The following TSHZ3 variants were observed in gnomAD, a reference collection of about 807,000 sequenced individuals.
The protein encoded by TSHZ3 is teashirt zinc finger homeobox 3, also known as teashirt homolog 3.
In TSHZ3, 10 loss-of-function variants were observed where a neutral mutation model predicts 64.5. The observed-to-expected ratio is 0.16, with a 90% CI of 0.10 to 0.26. TSHZ3 has a LOEUF of 0.26. Ranked by LOEUF, TSHZ3 falls within the 10% of genes least tolerant of loss-of-function variation. The pLI is 1.00. For synonymous variants in TSHZ3, 608 were observed against 593.1 expected (o/e 1.03, Z -0.36); for missense variants, 1,242 against 1,421.7 (o/e 0.87, Z 2.03).
intron 5 of TSHZ3, among the ~76,000 whole-genome samples, chr19:31,157,057 C>T (rs1169672342): frequency 6.6e-6 from 1 of 152,038 alleles, no homozygotes; most frequent in Non-Finnish European, 1.5e-5. Context: ...AGCAATGAGG[C>T]CCTAGGTACA....
At position 31,234,783 on chromosome 19, in the gene TSHZ3, T is replaced by A. The variant is rs540670703; in HGVS notation, n.551-6643A>T. Among the ~76,000 whole-genome samples the A allele has an allele frequency of 3.3e-5, 5 of 152,374 alleles. No individual in the cohort carries two copies. The South Asian group carries it at 8.3e-4, about 25-fold the overall frequency. The stretch of plus-strand genomic sequence containing the variant: ...GCTAATATTTTGTTGAGGATTTTGC[T>A]TTGTGTGTTCATAAGAGATATTGAC... On this transcript the variant is annotated intron_variant and non_coding_transcript_variant, in intron 3 of 6. Transcript: ENST00000651361.
chr19:31,198,594 G>A (rs996356245), intron 5 of TSHZ3, among the ~76,000 whole-genome samples: 1 of 152,132 alleles, frequency 6.6e-6, no homozygotes, highest in East Asian at 1.9e-4. Context: ...GCAGGATAAA[G>A]GTTAATACAC....
rs1039981374 is a variant in TSHZ3 at position 31,292,469 on chromosome 19, C to T, written c.41-12717G>A. Among the ~76,000 whole-genome samples the T allele has an allele frequency of 8.6e-5, 13 of 151,190 alleles. No individual in the cohort carries two copies. The East Asian group carries it at 9.6e-4, about 11-fold the overall frequency. ...AAATGGGCCTCTTCAGGTGGCTAAA[C>T]ATGTACAACTCAAACTGTCACTGGG... On this transcript the variant is annotated intron_variant, in intron 1 of 1. Coordinates refer to ENST00000240587, the MANE Select transcript of TSHZ3 (RefSeq NM_020856.4).
chr19:31,250,362 C>A (rs375181001), intron 1 of TSHZ3, among the ~76,000 whole-genome samples: 2 of 152,176 alleles, frequency 1.3e-5, no homozygotes, highest in Non-Finnish European at 2.9e-5. Context: ...CATCTCTAAT[C>A]CTCACCCGCT....
At chr19:31,348,438 C>T (rs1459081502) in intron 1 of TSHZ3, among the ~76,000 whole-genome samples, 1 of 139,102 alleles carries the variant, frequency 7.2e-6, no homozygotes, top group African/African-American at 2.7e-5. Flanking sequence ...TCAGTCTTAA[C>T]AGGAGTTGAC....
intron 1 of TSHZ3, among the ~76,000 whole-genome samples, chr19:31,309,118 G>A (rs890274994): frequency 1.1e-4 from 17 of 152,234 alleles, no homozygotes; most frequent in African/African-American, 2.7e-4. Flanking sequence ...GATGCACACC[G>A]TGGTGTTGCC....
At chr19:31,159,369 A>C (rs1404278117) in intron 5 of TSHZ3, among the ~76,000 whole-genome samples, 1 of 152,226 alleles carries the variant, frequency 6.6e-6, no homozygotes, top group Non-Finnish European at 1.5e-5. Flanking sequence ...TCTTAAAATC[A>C]GCTGGCTAGC....
At chr19:31,259,724 A>G (rs1975960293) in intron 1 of TSHZ3, among the ~76,000 whole-genome samples, 1 of 152,124 alleles carries the variant, frequency 6.6e-6, no homozygotes, top group Non-Finnish European at 1.5e-5. Context: ...TGCTGGGTGT[A>G]GACGGCAGCT....
rs2145215582 is a variant in TSHZ3 at position 31,279,385 on chromosome 19, G to A, written c.408C>T (p.Leu136=). 6.2e-7 allele frequency: 1 copy of A among 1,614,234 alleles called. No individual in the cohort carries two copies. Among genetic ancestry groups the A allele is most frequent in the South Asian group, 1.1e-5 (1 of 91,084 alleles). ...TCTCCGAGGAGGGCTGGTGCAGGTT[G>A]AGGTTGAGGTTGGACCAGTAGGAGT... ...LSNSYWSNLN[L]NLHQPSSEKN... Residue 136 remains leucine (L), a synonymous_variant, in exon 2 of 2, where the codon CTC becomes CTT. Transcript: ENST00000240587. This position sits in a 1 kb window ranked among gnomAD's most constrained non-coding sequence, Gnocchi z 6.4.
At chr19:31,220,388 A>C (rs189737251) in intron 4 of TSHZ3, among the ~76,000 whole-genome samples, 2 of 152,316 alleles carry the variant, frequency 1.3e-5, no homozygotes, top group African/African-American at 4.8e-5. Context: ...GAGATGAATA[A>C]GTGAAGGGCG....
intron 3 of TSHZ3, among the ~76,000 whole-genome samples, chr19:31,232,053 C>A (rs535292847): frequency 3.9e-5 from 6 of 152,208 alleles, no homozygotes; most frequent in Admixed American, 2.0e-4. Context: ...AATTTCACCT[C>A]CTTCTTGGTT....
chr19:31,275,790 C>G lies in TSHZ3; in HGVS notation c.*757G>C, dbSNP rs1976219328. The G allele has an allele frequency of 6.6e-6, 1 of 152,330 alleles. No individual in the cohort carries two copies. Among genetic ancestry groups the G allele is most frequent in the African/African-American group, 2.4e-5 (1 of 41,344 alleles). 9.4% of individuals were successfully genotyped at this position (152,330 alleles called of 1,614,324 possible). On this transcript the variant is annotated 3_prime_UTR_variant, in exon 2 of 2. Transcript: ENST00000240587. ...CAATGTTTGCATGTAAAAAACAAAA[C>G]CCATAGACCTTAAAAAAAAGAAAAA... is the stretch of plus-strand genomic sequence containing the variant.
chr19:31,219,433 A>G (rs534511828), intron 4 of TSHZ3, among the ~76,000 whole-genome samples: 2 of 152,188 alleles, frequency 1.3e-5, no homozygotes, highest in South Asian at 4.2e-4. Flanking sequence ...AGCAAACTTG[A>G]AGCAAACTTG....
At chr19:31,287,601 T>G (rs955862235) in intron 1 of TSHZ3, among the ~76,000 whole-genome samples, 3 of 147,368 alleles carry the variant, frequency 2.0e-5, no homozygotes, top group Non-Finnish European at 3.0e-5. Flanking sequence ...GAAAGAGAGA[T>G]GGGAGAGGAA....
chr19:31,240,924 A>G (rs1975680411), intron 3 of TSHZ3, among the ~76,000 whole-genome samples: 1 of 152,076 alleles, frequency 6.6e-6, no homozygotes, highest in Non-Finnish European at 1.5e-5. Flanking sequence ...AATCATTAGG[A>G]CCATATTTTT....
intron 1 of TSHZ3, among the ~76,000 whole-genome samples, chr19:31,324,766 G>T (rs987407023): frequency 1.3e-5 from 2 of 152,176 alleles, no homozygotes; most frequent in African/African-American, 4.8e-5. Context: ...AGTCCAGAGG[G>T]GAAAACCCTT....
At chr19:31,244,682 C>T (rs963442160) in intron 1 of TSHZ3, among the ~76,000 whole-genome samples, 3 of 152,062 alleles carry the variant, frequency 2.0e-5, no homozygotes, top group African/African-American at 7.2e-5. Context: ...CTGGCTCTGT[C>T]CCCCAGGCTG....
At chr19:31,200,506 C>CTT (rs34207343) in intron 5 of TSHZ3, among the ~76,000 whole-genome samples, 105,829 of 151,808 alleles carry the variant, frequency 0.7, 37,077 homozygotes, top group African/African-American at 0.77. Context: ...AATTTCAACT[C>CTT]TGACATTCTG....
At chr19:31,270,549 A>G (rs570642560), downstream of TSHZ3, among the ~76,000 whole-genome samples, 137 of 152,250 alleles carry the variant, frequency 9.0e-4, no homozygotes, top group South Asian at 0.026. Context: ...CCCTGGCCTC[A>G]AGTGATTCTC....
Sources: gnomAD v4.1 joint callset for allele counts (sites outside exome capture counted in the v4.1 genomes callset) on GRCh38, gnomAD v4.1.1 for gene constraint, Gnocchi (gnomAD v3.1) non-coding constraint, MANE v1.5 for transcripts, NCBI Gene and HGNC (gene_info 2026-07-23, HGNC 2026-07-21) for gene names.